PLXDC2: variants seen among roughly 807,000 people sequenced by gnomAD.
PLXDC2 encodes the protein plexin domain-containing protein 2.
In PLXDC2, 40 loss-of-function variants were observed where a neutral mutation model predicts 68.9. The ratio of observed to expected loss-of-function variants is 0.58; its 90% CI spans 0.45 to 0.76. The LOEUF (loss-of-function observed/expected upper bound fraction) is 0.76. Among genes scored for constraint, PLXDC2 ranks in the 30% least tolerant of loss-of-function variants. The probability of loss-of-function intolerance (pLI) is 0.00; values close to 1 mark genes in which losing one functional copy is unlikely to be tolerated. For missense variants in PLXDC2, 644 were observed against 661.9 expected (o/e 0.97, Z 0.30); for synonymous variants, 243 against 234.2 (o/e 1.04, Z -0.34).
intron 2 of PLXDC2, among the ~76,000 whole-genome samples, chr10:20,013,499 G>GT (rs886257512): frequency 1.3e-5 from 2 of 151,772 alleles, no homozygotes; most frequent in Non-Finnish European, 2.9e-5. Context: ...TTGATTCTCG[G>GT]TTTTTTTCCT....
intron 1 of PLXDC2, among the ~76,000 whole-genome samples, chr10:19,920,318 C>T (rs972374142): frequency 6.6e-6 from 1 of 152,184 alleles, no homozygotes; most frequent in Non-Finnish European, 1.5e-5. Flanking sequence ...CAGGCATTTC[C>T]TCCCTAAATG....
intron 13 of PLXDC2, among the ~76,000 whole-genome samples, chr10:20,260,060 T>C (rs1835790224): frequency 6.6e-6 from 1 of 152,220 alleles, no homozygotes; most frequent in Non-Finnish European, 1.5e-5. Context: ...TATCAGGTAC[T>C]CTTTTTTATA....
intron 4 of PLXDC2, among the ~76,000 whole-genome samples, chr10:20,104,538 T>G (rs1309198535): frequency 6.6e-6 from 1 of 152,234 alleles, no homozygotes; most frequent in Non-Finnish European, 1.5e-5. Context: ...ATGTTGTTTT[T>G]CTAATGAAAG....
intron 1 of PLXDC2, among the ~76,000 whole-genome samples, chr10:19,987,553 TTTTG>T (rs549802244): frequency 1.3e-5 from 1 of 77,802 alleles, no homozygotes; most frequent in Non-Finnish European, 2.7e-5. Flanking sequence ...TGTTATTTGG[TTTTG>T]TTTTGTTTTT....
At chr10:19,955,166 TCGG>T (rs1316733754) in intron 1 of PLXDC2, among the ~76,000 whole-genome samples, 1 of 148,350 alleles carries the variant, frequency 6.7e-6, no homozygotes, top group Non-Finnish European at 1.5e-5. Flanking sequence ...GCTGGGACTA[TCGG>T]CATGCACCAC....
intron 1 of PLXDC2, among the ~76,000 whole-genome samples, chr10:19,939,197 G>A (rs1833776012): frequency 6.6e-6 from 1 of 152,182 alleles, no homozygotes; most frequent in South Asian, 2.1e-4. Context: ...ACATCTGAAT[G>A]TCCCCTCTGG....
chr10:19,942,739 C>A (rs1384621490), intron 1 of PLXDC2, among the ~76,000 whole-genome samples: 3 of 152,102 alleles, frequency 2.0e-5, no homozygotes, highest in African/African-American at 7.2e-5. Context: ...TGTACTCCAA[C>A]CTGAGTGATA....
At chr10:19,911,456 A>T (rs1034420881) in intron 1 of PLXDC2, among the ~76,000 whole-genome samples, 3 of 152,146 alleles carry the variant, frequency 2.0e-5, no homozygotes, top group African/African-American at 7.2e-5. Context: ...CTGTTTTGCC[A>T]TATAAAATTT....
At chr10:19,861,315 A>G (rs771409383) in intron 1 of PLXDC2, among the ~76,000 whole-genome samples, 19 of 152,010 alleles carry the variant, frequency 1.2e-4, no homozygotes, top group African/African-American at 4.8e-5. Context: ...GATTACGGGC[A>G]TGAGCCACCG....
chr10:19,863,547 G>A lies in PLXDC2; in HGVS notation c.112+46356G>A, dbSNP rs116397459. Among the ~76,000 whole-genome samples the A allele has an allele frequency of 4.9e-3, 751 of 152,274 alleles. 8 individuals are homozygous for A. The highest frequency in any genetic ancestry group is 0.016 in the African/African-American group (660 of 41,566). ...TGCAGAAAGGCAAGTGTGACACGCA[G>A]CACTTCCTCATGTGTAAGCTTTGTT... is the stretch of plus-strand genomic sequence containing the variant. On this transcript the variant is annotated intron_variant, in intron 1 of 13. Coordinates refer to ENST00000377252, the MANE Select transcript of PLXDC2 (RefSeq NM_032812.9).
At chr10:19,895,938 G>T (rs1228905562) in intron 1 of PLXDC2, among the ~76,000 whole-genome samples, 4 of 152,048 alleles carry the variant, frequency 2.6e-5, no homozygotes, top group Admixed American at 6.6e-5. Flanking sequence ...TTTTAAAAAG[G>T]AAAAGTAGGT....
At position 20,245,523 on chromosome 10, in the gene PLXDC2, C is replaced by T; in HGVS notation, c.1473+18C>T. 2.5e-6 allele frequency: 4 copies of T among 1,603,734 alleles called. No individual in the cohort carries two copies. Among genetic ancestry groups the T allele is most frequent in the Non-Finnish European group, 3.4e-6 (4 of 1,175,322 alleles). On this transcript the variant is annotated intron_variant, in intron 13 of 13. Transcript: ENST00000377252. Reference sequence around the variant, plus strand: ...TTATTGAGGTAAGTGTTGAGTTTAACACATGAAAACCACGCCAGTTGATGA... The same window carrying T: ...TTATTGAGGTAAGTGTTGAGTTTAATACATGAAAACCACGCCAGTTGATGA...
intron 9 of PLXDC2, among the ~76,000 whole-genome samples, chr10:20,203,463 C>T (rs1834947986): frequency 6.6e-6 from 1 of 151,778 alleles, no homozygotes; most frequent in African/African-American, 2.4e-5. Context: ...CACCACCATG[C>T]CTGGCTAATT....
intron 1 of PLXDC2, among the ~76,000 whole-genome samples, chr10:20,000,923 T>C (rs918700448): frequency 6.6e-6 from 1 of 152,224 alleles, no homozygotes; most frequent in Admixed American, 6.5e-5. Flanking sequence ...CCAATACTTG[T>C]GGCATGCTTT....
chr10:19,965,830 G>C (rs1256238753), intron 1 of PLXDC2, among the ~76,000 whole-genome samples: 1 of 151,870 alleles, frequency 6.6e-6, no homozygotes, highest in Non-Finnish European at 1.5e-5. Context: ...ATTAACACTG[G>C]GCTTGTATGC....
intron 4 of PLXDC2, among the ~76,000 whole-genome samples, chr10:20,090,176 C>T (rs1389913355): frequency 2.0e-5 from 3 of 152,132 alleles, no homozygotes; most frequent in African/African-American, 7.2e-5. Context: ...CTATCTTATG[C>T]CATGGAAGAT....
chr10:20,254,151 A>G (rs942937366), intron 13 of PLXDC2, among the ~76,000 whole-genome samples: 2 of 152,200 alleles, frequency 1.3e-5, no homozygotes, highest in Non-Finnish European at 2.9e-5. Context: ...TTTGCCACTC[A>G]AGGGGATTCC....
At chr10:20,217,164 A>G (rs1159481889) in intron 10 of PLXDC2, among the ~76,000 whole-genome samples, 1 of 152,218 alleles carries the variant, frequency 6.6e-6, no homozygotes, top group African/African-American at 2.4e-5. Context: ...GGTAAACAGT[A>G]ATATGAAAGC....
rs114978225 is a variant in PLXDC2, at chr10:20,200,867, T to C, written c.1062-10802T>C. ...GTTAGAGTAGCTATCATCAAAAAGA[T>C]AAAAAGTAACAAATGCTGCTGACAA... On this transcript the variant is annotated intron_variant, in intron 9 of 13. Coordinates refer to ENST00000377252, the MANE Select transcript of PLXDC2 (RefSeq NM_032812.9). Among the ~76,000 whole-genome samples the C allele has an allele frequency of 9.0e-3, 1,375 of 152,022 alleles. 12 individuals carry two copies. Among genetic ancestry groups the C allele is most frequent in the African/African-American group, 0.028 (1,169 of 41,532 alleles).
Sources: allele counts gnomAD v4.1 joint callset (sites outside exome capture counted in the v4.1 genomes callset), GRCh38; gene constraint gnomAD v4.1.1; transcripts MANE v1.5; gene names NCBI Gene and HGNC (gene_info 2026-07-23, HGNC 2026-07-21).